DCDC1: variants seen among roughly 807,000 people sequenced by gnomAD.
DCDC1 encodes doublecortin domain containing 1.
A neutral mutation model predicts 178.3 loss-of-function variants in DCDC1; 200 were observed. The ratio of observed to expected loss-of-function variants is 1.12; its 90% confidence interval spans 1.00 to 1.26. The LOEUF (loss-of-function observed/expected upper bound fraction) is 1.26, where lower values mean the gene tolerates loss of function less well. Among genes scored for constraint, DCDC1 ranks in the 50% most tolerant of loss-of-function variants. DCDC1 has a pLI of 0.00. For missense variants in DCDC1, 1,983 were observed against 1,749.2 expected (o/e 1.13, Z -2.38); for synonymous variants, 690 against 604.8 (o/e 1.14, Z -2.07).
Position 30,898,305 on chromosome 11 carries a change from G to A in DCDC1, c.4765+1236C>T, listed in dbSNP as rs370562974. ...CACCATTATTTCTAGAATGGAAACC[G>A]CTGTCAAGATGGAAGCAGGGAGACC... On this transcript the variant is annotated intron_variant, in intron 34 of 38. Transcript: ENST00000684477. Among the ~76,000 whole-genome samples, 4 of 152,116 alleles carry A rather than the reference G, an allele frequency of 2.6e-5. No individual in the cohort carries two copies. In the East Asian group the frequency reaches 5.8e-4, roughly 22 times the overall value.
chr11:31,212,061 C>A (rs1237866926), intron 9 of DCDC1, among the ~76,000 whole-genome samples: 1 of 141,014 alleles, frequency 7.1e-6, no homozygotes, highest in Admixed American at 7.5e-5. Context: ...CCAGCCTGGG[C>A]GACAGAGCGA....
chr11:31,044,156 C>T (rs942673094), intron 20 of DCDC1, among the ~76,000 whole-genome samples: 10 of 152,082 alleles, frequency 6.6e-5, no homozygotes, highest in Non-Finnish European at 2.9e-5. Context: ...CACCAGTTGG[C>T]GACAGAAGGA....
At chr11:31,109,402 T>C (rs1233133369) in intron 12 of DCDC1, among the ~76,000 whole-genome samples, 1 of 152,138 alleles carries the variant, frequency 6.6e-6, no homozygotes, top group Non-Finnish European at 1.5e-5. Context: ...TGTGTCATGG[T>C]GATTTGTGTA....
At chr11:30,866,429 T>C (rs1940983733) in intron 38 of DCDC1, among the ~76,000 whole-genome samples, 1 of 152,120 alleles carries the variant, frequency 6.6e-6, no homozygotes, top group African/African-American at 2.4e-5. Context: ...GCATGGCAGC[T>C]CTCTTGGGCT....
At chr11:31,089,517 A>G (rs912603657) in intron 17 of DCDC1, among the ~76,000 whole-genome samples, 1 of 151,868 alleles carries the variant, frequency 6.6e-6, no homozygotes, top group Non-Finnish European at 1.5e-5. Flanking sequence ...ATTTCCTCCA[A>G]TATTTTTCTT....
At chr11:30,957,524 T>C (rs163868) in intron 20 of DCDC1, among the ~76,000 whole-genome samples, 83,973 of 152,010 alleles carry the variant, frequency 0.55, 23,596 homozygotes, top group Middle Eastern at 0.61. Flanking sequence ...CAGACCCAAT[T>C]GTACTAAAGT....
chr11:30,905,583 G>A (rs1038481477), intron 30 of DCDC1, among the ~76,000 whole-genome samples: 3 of 152,138 alleles, frequency 2.0e-5, no homozygotes, highest in Non-Finnish European at 4.4e-5. Context: ...AATGGTTGTA[G>A]CTTTAAACAC....
At chr11:31,028,662 C>T (rs1953420671) in intron 20 of DCDC1, among the ~76,000 whole-genome samples, 1 of 151,852 alleles carries the variant, frequency 6.6e-6, no homozygotes, top group Non-Finnish European at 1.5e-5. Flanking sequence ...TGTGATAAAC[C>T]TATTTGATGT....
At chr11:30,965,340 ATAT>A (rs1949363482) in intron 20 of DCDC1, among the ~76,000 whole-genome samples, 1 of 152,044 alleles carries the variant, frequency 6.6e-6, no homozygotes, top group Admixed American at 6.6e-5. Flanking sequence ...CACAAAAGAA[ATAT>A]TGTGCTGGCC....
chr11:31,038,989 A>C (rs1034823082), intron 20 of DCDC1, among the ~76,000 whole-genome samples: 9 of 152,230 alleles, frequency 5.9e-5, no homozygotes, highest in Non-Finnish European at 1.3e-4. Flanking sequence ...AAATTTTTTC[A>C]TAAGTTTTAA....
chr11:31,270,041 G>A (rs1308238832), intron 7 of DCDC1, among the ~76,000 whole-genome samples: 2 of 152,132 alleles, frequency 1.3e-5, no homozygotes, highest in East Asian at 1.9e-4. Flanking sequence ...TTTTAATATG[G>A]TTCTATGAGT....
intron 2 of DCDC1, among the ~76,000 whole-genome samples, chr11:31,330,843 C>G (rs1166164131): frequency 6.6e-6 from 1 of 152,118 alleles, no homozygotes; most frequent in Non-Finnish European, 1.5e-5. Context: ...ATGTCTCCAG[C>G]TTTGTTCTTT....
At chr11:31,362,745 T>C (rs575732005) in intron 1 of DCDC1, among the ~76,000 whole-genome samples, 5 of 152,338 alleles carry the variant, frequency 3.3e-5, no homozygotes, top group African/African-American at 1.2e-4. Flanking sequence ...TTTAAAAATA[T>C]GATATTTTGT....
intron 20 of DCDC1, among the ~76,000 whole-genome samples, chr11:31,039,034 A>G (rs1228077761): frequency 6.6e-6 from 1 of 152,174 alleles, no homozygotes; most frequent in Non-Finnish European, 1.5e-5. Flanking sequence ...TCAAATGTTG[A>G]TATCTAATCA....
chr11:31,090,485 T>A (rs780031224), intron 17 of DCDC1, among the ~76,000 whole-genome samples: 34 of 152,134 alleles, frequency 2.2e-4, no homozygotes, highest in Admixed American at 3.9e-4. Flanking sequence ...ACCTACCCTA[T>A]CAGATTGTTG....
intron 9 of DCDC1, among the ~76,000 whole-genome samples, chr11:31,189,103 A>C (rs1390779248): frequency 6.6e-6 from 1 of 152,078 alleles, no homozygotes; most frequent in Non-Finnish European, 1.5e-5. Context: ...ATAAGTAATA[A>C]ATTTTCGTTG....
chr11:31,161,381 G>A (rs1966301924), intron 9 of DCDC1, among the ~76,000 whole-genome samples: 3 of 152,136 alleles, frequency 2.0e-5, no homozygotes, highest in Admixed American at 2.0e-4. Flanking sequence ...AAAGAGCTAA[G>A]TACTTCTCAG....
chr11:31,298,188 T>G (rs907448546), intron 6 of DCDC1, among the ~76,000 whole-genome samples: 4 of 152,194 alleles, frequency 2.6e-5, no homozygotes, highest in Non-Finnish European at 4.4e-5. Context: ...TCTACCTTTT[T>G]CCCTTTGGAC....
intron 36 of DCDC1, among the ~76,000 whole-genome samples, chr11:30,891,463 C>T (rs1012400216): frequency 3.9e-5 from 6 of 152,086 alleles, no homozygotes; most frequent in African/African-American, 1.4e-4. Flanking sequence ...GGCTATCTTC[C>T]CCCATTGTCT....
Sources: gnomAD v4.1 joint callset for allele counts (sites outside exome capture counted in the v4.1 genomes callset) on GRCh38, gnomAD v4.1.1 for gene constraint, MANE v1.5 for transcripts, NCBI Gene and HGNC (gene_info 2026-07-23, HGNC 2026-07-21) for gene names.